The following NALF1 variants were observed in gnomAD, a reference collection of about 807,000 sequenced individuals.
NALF1 encodes the protein family with sequence similarity 155 member A.
In NALF1, 3 loss-of-function variants were observed where a neutral mutation model predicts 48.4. The observed-to-expected ratio is 0.06, with a 90% CI of 0.03 to 0.16. NALF1 has a LOEUF of 0.16. Among genes scored for constraint, NALF1 ranks in the 10% least tolerant of loss-of-function variants. The pLI is 1.00. For synonymous variants in NALF1, 262 were observed against 245.7 expected (o/e 1.07, Z -0.62); for missense variants, 526 against 571.5 (o/e 0.92, Z 0.81).
At chr13:107,334,634 G>A (rs1882523854) in intron 1 of NALF1, among the ~76,000 whole-genome samples, 1 of 152,178 alleles carries the variant, frequency 6.6e-6, no homozygotes, top group Non-Finnish European at 1.5e-5. Context: ...TAGAAATGGA[G>A]TCTCTATTTA....
intron 1 of NALF1, among the ~76,000 whole-genome samples, chr13:107,350,038 G>A (rs1223910120): frequency 6.6e-6 from 1 of 152,096 alleles, no homozygotes; most frequent in East Asian, 1.9e-4. Context: ...GTTCACAGTA[G>A]GGTTCATGCT....
Position 107,169,388 on chromosome 13 carries a change from G to A in NALF1, c.*1109C>T, listed in dbSNP as rs1038619392. 15 of 146,398 alleles carry A rather than the reference G, an allele frequency of 1.0e-4. No homozygotes were observed. Among genetic ancestry groups the A allele is most frequent in the African/African-American group, 3.6e-4 (14 of 38,722 alleles). 9.1% of individuals were successfully genotyped at this position (146,398 alleles called of 1,614,324 possible). A position where few individuals can be genotyped will look rare whatever the true frequency, so the allele number is the denominator to read the frequency against. On this transcript the variant is annotated 3_prime_UTR_variant, in exon 3 of 3. Transcript: ENST00000375915. ...TGTCTCTTCCACAACAATAAGGGAG[G>A]AAAAGAAGTCCAGATATGTGTCCGC...
chr13:107,365,174 T>C (rs1301478064), intron 1 of NALF1, among the ~76,000 whole-genome samples: 1 of 151,148 alleles, frequency 6.6e-6, no homozygotes, highest in African/African-American at 2.4e-5. Context: ...CGCTTACCAA[T>C]GTGTATGATG....
chr13:107,739,406 A>G (rs1594237635), intron 1 of NALF1, among the ~76,000 whole-genome samples: 1 of 148,042 alleles, frequency 6.8e-6, no homozygotes, highest in African/African-American at 2.4e-5. Flanking sequence ...TTACATATGT[A>G]TAAATTCATA....
At chr13:107,438,632 T>C (rs943563275) in intron 1 of NALF1, among the ~76,000 whole-genome samples, 10 of 151,322 alleles carry the variant, frequency 6.6e-5, no homozygotes, top group African/African-American at 2.2e-4. Flanking sequence ...GGAAACTCCA[T>C]CTCTACTAAA....
chr13:107,632,643 C>T (rs991417001), intron 1 of NALF1, among the ~76,000 whole-genome samples: 1 of 152,096 alleles, frequency 6.6e-6, no homozygotes, highest in Non-Finnish European at 1.5e-5. Flanking sequence ...CCTCAACAAA[C>T]ACAACAACAA....
Position 107,853,978 on chromosome 13 carries a change from G to A in NALF1, c.915+11704C>T, listed in dbSNP as rs142175891. On this transcript the variant is annotated intron_variant, in intron 1 of 2. Transcript: ENST00000375915. Reference sequence around the variant, plus strand: ...GATCAACTATTTTAATCATCTTAAAGAGCTAATTCATTTAATGGAGAAATC... The same window carrying A: ...GATCAACTATTTTAATCATCTTAAAAAGCTAATTCATTTAATGGAGAAATC... Among the ~76,000 whole-genome samples the A allele has an allele frequency of 4.9e-3, 749 of 152,272 alleles. 4 individuals carry two copies. Among genetic ancestry groups the A allele is most frequent in the Admixed American group, 8.0e-3 (122 of 15,298 alleles).
chr13:107,504,775 G>A (rs1339660743), intron 1 of NALF1, among the ~76,000 whole-genome samples: 1 of 152,100 alleles, frequency 6.6e-6, no homozygotes, highest in African/African-American at 2.4e-5. Context: ...CATTGCATCT[G>A]CTGCCATTCT....
chr13:107,458,516 G>C (rs1036716260), intron 1 of NALF1, among the ~76,000 whole-genome samples: 1 of 152,216 alleles, frequency 6.6e-6, no homozygotes, highest in Non-Finnish European at 1.5e-5. Flanking sequence ...TGTGCAGGAA[G>C]TGCACGCCTG....
At chr13:107,609,168 C>A (rs1879155312) in intron 1 of NALF1, among the ~76,000 whole-genome samples, 1 of 152,216 alleles carries the variant, frequency 6.6e-6, no homozygotes, top group Non-Finnish European at 1.5e-5. Context: ...TCCTGCCCTA[C>A]CCCTTAGCTC....
At chr13:107,411,069 A>C (rs1484778080) in intron 1 of NALF1, among the ~76,000 whole-genome samples, 1 of 152,138 alleles carries the variant, frequency 6.6e-6, no homozygotes, top group African/African-American at 2.4e-5. Context: ...TGTGGAAATA[A>C]TACGTTTCCT....
At chr13:107,200,500 G>A (rs900321695) in intron 2 of NALF1, among the ~76,000 whole-genome samples, 3 of 152,202 alleles carry the variant, frequency 2.0e-5, no homozygotes, top group African/African-American at 2.4e-5. Context: ...TCTCCCACAC[G>A]ATGAATGCAC....
intron 1 of NALF1, among the ~76,000 whole-genome samples, chr13:107,482,177 A>C (rs750479782): frequency 2.6e-5 from 4 of 152,074 alleles, no homozygotes; most frequent in Admixed American, 2.6e-4. Context: ...GAAAAGACTT[A>C]TCTCTCCCGA....
At chr13:107,567,088 A>T (rs1877833342) in intron 1 of NALF1, among the ~76,000 whole-genome samples, 1 of 152,194 alleles carries the variant, frequency 6.6e-6, no homozygotes, top group Non-Finnish European at 1.5e-5. Context: ...ACACTCCTGA[A>T]ATAACTGTCT....
chr13:107,652,239 T>G (rs1456521091), intron 1 of NALF1, among the ~76,000 whole-genome samples: 7 of 152,152 alleles, frequency 4.6e-5, no homozygotes, highest in Non-Finnish European at 1.0e-4. Flanking sequence ...CATTTAAATT[T>G]CTGTGATTCT....
intron 1 of NALF1, among the ~76,000 whole-genome samples, chr13:107,726,161 T>C (rs369611068): frequency 2.6e-4 from 40 of 152,272 alleles, no homozygotes; most frequent in African/African-American, 8.7e-4. Flanking sequence ...AAATTGACAA[T>C]TTTCATTTCA....
At chr13:107,171,842 ACTT>A (rs1878811876) in intron 2 of NALF1, among the ~76,000 whole-genome samples, 1 of 152,206 alleles carries the variant, frequency 6.6e-6, no homozygotes. Flanking sequence ...TGCATGAAAA[ACTT>A]AAAAATGGGG....
intron 1 of NALF1, among the ~76,000 whole-genome samples, chr13:107,347,701 TGAAAA>T (rs1882800034): frequency 6.6e-6 from 1 of 152,134 alleles, no homozygotes. Flanking sequence ...TTAAGTCAAA[TGAAAA>T]GAAAAAAATA....
At chr13:107,581,692 G>A (rs1400983088) in intron 1 of NALF1, among the ~76,000 whole-genome samples, 2 of 152,150 alleles carry the variant, frequency 1.3e-5, no homozygotes, top group African/African-American at 2.4e-5. Flanking sequence ...TTGCAAGCAG[G>A]TCCTTGAGCC....
Sources: gnomAD v4.1 joint callset for allele counts (sites outside exome capture counted in the v4.1 genomes callset) on GRCh38, gnomAD v4.1.1 for gene constraint, MANE v1.5 for transcripts, NCBI Gene and HGNC (gene_info 2026-07-23, HGNC 2026-07-21) for gene names.